Variants in CACHD1 observed in about 807,000 individuals in gnomAD.
The protein encoded by CACHD1 is cache domain containing 1.
CACHD1 carries 71 observed loss-of-function variants against 138.7 expected under a neutral mutation model. The ratio of observed to expected loss-of-function variants is 0.51; its 90% CI spans 0.42 to 0.62. The LOEUF (loss-of-function observed/expected upper bound fraction) is 0.62, where lower values mean the gene tolerates loss of function less well. Ranked by LOEUF, CACHD1 falls within the 20% of genes least tolerant of loss-of-function variation. The pLI is 0.00. For synonymous variants in CACHD1, 578 were observed against 591.5 expected, an observed-to-expected ratio of 0.98 and a Z score of 0.33; for missense variants, 1,389 against 1,625.3, an observed-to-expected ratio of 0.85 and a Z score of 2.50.
At chr1:64,644,698 A>G (rs893737245) in intron 8 of CACHD1, among the ~76,000 whole-genome samples, 3 of 152,176 alleles carry the variant, frequency 2.0e-5, no homozygotes, top group African/African-American at 7.2e-5. Flanking sequence ...TCAGAACCCT[A>G]TTTCTAAGTG....
At position 64,590,547 on chromosome 1, in the gene CACHD1, G is replaced by A. The variant is rs1023200292; in HGVS notation, c.410+8243G>A. ...TCAGAGGGTTGTTTTTAATTTTGAT[G>A]ATTAACATGCTGACCCATAATGTTC... On this transcript the variant is annotated intron_variant, in intron 3 of 26. Coordinates refer to ENST00000651257, the MANE Select transcript of CACHD1 (RefSeq NM_020925.4). Among the ~76,000 whole-genome samples, 5 of 152,234 alleles carry A rather than the reference G, an allele frequency of 3.3e-5. No homozygotes were observed. In the South Asian group the frequency reaches 1.0e-3, roughly 32 times the overall value.
At chr1:64,520,039 T>C (rs1646486972) in intron 1 of CACHD1, among the ~76,000 whole-genome samples, 1 of 152,210 alleles carries the variant, frequency 6.6e-6, no homozygotes, top group Admixed American at 6.5e-5. Flanking sequence ...AAGTCCCAGC[T>C]GTCTTCTTTT....
chr1:64,505,985 T>G (rs1646372820), intron 1 of CACHD1: 1 of 151,582 alleles, frequency 6.6e-6, no homozygotes, highest in Non-Finnish European at 1.5e-5. Flanking sequence ...AAACCCCGGG[T>G]CGCCACCTCC....
chr1:64,549,629 A>AG (rs1646743611), intron 1 of CACHD1, among the ~76,000 whole-genome samples: 1 of 152,078 alleles, frequency 6.6e-6, no homozygotes, highest in South Asian at 2.1e-4. Context: ...CAGGTGTGTT[A>AG]GGCCGTCTGG....
chr1:64,685,480 C>G (rs1650337455), intron 26 of CACHD1, among the ~76,000 whole-genome samples: 1 of 152,136 alleles, frequency 6.6e-6, no homozygotes, highest in South Asian at 2.1e-4. Flanking sequence ...GTTACTTCCT[C>G]AAGACAGCTT....
intron 1 of CACHD1, among the ~76,000 whole-genome samples, chr1:64,542,312 G>A (rs2100430983): frequency 6.6e-6 from 1 of 152,192 alleles, no homozygotes; most frequent in East Asian, 1.9e-4. Flanking sequence ...TGTCACTGAT[G>A]CATTTTTTTT....
In CACHD1 at chr1:64,541,002, G is replaced by A. The variant is rs12081502; in HGVS notation, c.199-9592G>A. On this transcript the variant is annotated intron_variant, in intron 1 of 26. Transcript: ENST00000651257. The stretch of plus-strand genomic sequence containing the variant: ...TGAGTGTGTGTGTGTGTGTGTGCAC[G>A]CCCGCACGTGCACACGCACATACGA... Among the ~76,000 whole-genome samples, 657 of 152,292 alleles carry A rather than the reference G, an allele frequency of 4.3e-3. 10 individuals carry two copies. The highest frequency in any genetic ancestry group is 0.014 in the African/African-American group (597 of 41,560).
intron 17 of CACHD1, 43 bp from the exon 18 acceptor site, chr1:64,673,115 A>AG (rs1242204506): frequency 3.3e-6 from 5 of 1,523,962 alleles, no homozygotes; most frequent in Non-Finnish European, 4.5e-6. Flanking sequence ...AAAAAAAAAA[A>AG]AACAGCTGAT....
chr1:64,588,535 C>T (rs547629400), intron 3 of CACHD1, among the ~76,000 whole-genome samples: 88 of 152,092 alleles, frequency 5.8e-4, no homozygotes, highest in Non-Finnish European at 1.0e-3. Flanking sequence ...TGCGCCACCA[C>T]GCCCAGCTAA....
intron 1 of CACHD1, among the ~76,000 whole-genome samples, chr1:64,549,115 C>G (rs1312251616): frequency 6.6e-6 from 1 of 152,124 alleles, no homozygotes; most frequent in Admixed American, 6.5e-5. Flanking sequence ...ACACATGAGG[C>G]ACAATATCTG....
chr1:64,594,613 C>G (rs1036701914), intron 3 of CACHD1, among the ~76,000 whole-genome samples: 5 of 152,178 alleles, frequency 3.3e-5, no homozygotes, highest in African/African-American at 1.2e-4. Flanking sequence ...AATCTAGCTT[C>G]CTGCGTTTTT....
At chr1:64,482,672 C>G (rs1470993889) in intron 1 of CACHD1, among the ~76,000 whole-genome samples, 1 of 152,202 alleles carries the variant, frequency 6.6e-6, no homozygotes, top group Non-Finnish European at 1.5e-5. Flanking sequence ...TTTGCCACTT[C>G]TGTAGTCTTC....
chr1:64,519,388 T>C (rs992673193), intron 1 of CACHD1, among the ~76,000 whole-genome samples: 17 of 152,204 alleles, frequency 1.1e-4, no homozygotes, highest in African/African-American at 4.1e-4. Flanking sequence ...GGAGGTCTGA[T>C]TTCTGAAAGG....
chr1:64,638,501 A>G (rs1188756296), intron 7 of CACHD1, among the ~76,000 whole-genome samples: 2 of 152,136 alleles, frequency 1.3e-5, no homozygotes, highest in African/African-American at 4.8e-5. Context: ...TTTCAGTCTT[A>G]TGGTAGATCT....
At chr1:64,490,308 G>C (rs772596485) in intron 1 of CACHD1, among the ~76,000 whole-genome samples, 11 of 152,132 alleles carry the variant, frequency 7.2e-5, no homozygotes, top group South Asian at 2.1e-4. Flanking sequence ...AAGATGGAGG[G>C]CTGTTTGATC....
chr1:64,671,467 G>A, intron 16 of CACHD1, 97 bp from the exon 17 acceptor site: 1 of 1,281,414 alleles, frequency 7.8e-7, no homozygotes, highest in Non-Finnish European at 1.1e-6. Context: ...CAGTGGGAAG[G>A]TATTTCTAAT....
chr1:64,566,482 C>CCCCCT (rs1646882075), intron 2 of CACHD1, among the ~76,000 whole-genome samples: 1 of 93,094 alleles, frequency 1.1e-5, no homozygotes, highest in Admixed American at 1.0e-4. Flanking sequence ...TTTCAATTCC[C>CCCCCT]CCCCCCCCAC....
At chr1:64,607,560 TGA>T (rs1393490788) in intron 4 of CACHD1, among the ~76,000 whole-genome samples, 1 of 152,136 alleles carries the variant, frequency 6.6e-6, no homozygotes, top group Non-Finnish European at 1.5e-5. Flanking sequence ...ATTTTTTAAT[TGA>T]GAGAAATTAT....
chr1:64,681,203 C>T (rs181105220), intron 24 of CACHD1, 55 bp from the exon 25 acceptor site: 29 of 1,327,802 alleles, frequency 2.2e-5, no homozygotes, highest in Middle Eastern at 1.8e-4. Context: ...GGTATTAAAG[C>T]GGGTGATTTT....
Sources: allele counts gnomAD v4.1 joint callset (sites outside exome capture counted in the v4.1 genomes callset), GRCh38; gene constraint gnomAD v4.1.1; transcripts MANE v1.5; gene names NCBI Gene and HGNC (gene_info 2026-07-23, HGNC 2026-07-21).